Variants in CHCHD3 observed in about 807,000 individuals in gnomAD.
The protein encoded by CHCHD3 is MICOS complex subunit MIC19.
Under a neutral mutation model 38.2 loss-of-function variants are expected in CHCHD3, and 20 were observed. That is an observed-to-expected ratio of 0.52 (90% confidence interval 0.37 to 0.76). The LOEUF (loss-of-function observed/expected upper bound fraction) is 0.76, where lower values mean the gene tolerates loss of function less well. Ranked by LOEUF, CHCHD3 falls within the 30% of genes least tolerant of loss-of-function variation. CHCHD3 has a pLI of 0.00. For synonymous variants in CHCHD3, 82 were observed against 100.0 expected, an observed-to-expected ratio of 0.82 and a Z score of 1.07; for missense variants, 245 against 279.2, an observed-to-expected ratio of 0.88 and a Z score of 0.87.
At chr7:132,879,519 C>G (rs78614627) in intron 5 of CHCHD3, among the ~76,000 whole-genome samples, 1 of 151,826 alleles carries the variant, frequency 6.6e-6, no homozygotes, top group East Asian at 1.9e-4. Flanking sequence ...TCAACATGTC[C>G]TGGGGAGACA....
At chr7:133,020,384 T>C (rs772339425) in intron 3 of CHCHD3, among the ~76,000 whole-genome samples, 49 of 152,274 alleles carry the variant, frequency 3.2e-4, no homozygotes, top group Admixed American at 2.2e-3. Context: ...GGGGTAAATT[T>C]TAGATGACCT....
chr7:132,971,670 C>G (rs1002141145), intron 4 of CHCHD3, among the ~76,000 whole-genome samples: 1 of 152,154 alleles, frequency 6.6e-6, no homozygotes, highest in African/African-American at 2.4e-5. Context: ...TTCACAGTCC[C>G]AACATCACAT....
chr7:132,794,501 G>A (rs1053372693), intron 7 of CHCHD3, among the ~76,000 whole-genome samples: 11 of 152,136 alleles, frequency 7.2e-5, no homozygotes, highest in African/African-American at 2.2e-4. Context: ...AGGTGGTGCA[G>A]GTTCTTGGTT....
intron 2 of CHCHD3, among the ~76,000 whole-genome samples, chr7:133,031,591 C>A (rs926469427): frequency 1.3e-5 from 2 of 151,962 alleles, no homozygotes; most frequent in Non-Finnish European, 2.9e-5. Context: ...AAAAGTTATA[C>A]CTTGCTTCTT....
chr7:132,908,929 T>C (rs1304616475), intron 4 of CHCHD3, among the ~76,000 whole-genome samples: 1 of 152,174 alleles, frequency 6.6e-6, no homozygotes, highest in Non-Finnish European at 1.5e-5. Flanking sequence ...TGTGTCCCCC[T>C]GCAAATCTCA....
chr7:133,015,170 T>C (rs911740051), intron 3 of CHCHD3, among the ~76,000 whole-genome samples: 7 of 151,898 alleles, frequency 4.6e-5, no homozygotes, highest in East Asian at 1.9e-4. Flanking sequence ...GGCGAAACCC[T>C]GTCTCTATTA....
At chr7:133,074,981 A>G (rs1315091327) in intron 1 of CHCHD3, among the ~76,000 whole-genome samples, 3 of 152,142 alleles carry the variant, frequency 2.0e-5, no homozygotes, top group Non-Finnish European at 4.4e-5. Flanking sequence ...CTGAGCTTGT[A>G]CTGACTCGTT....
At chr7:132,914,314 G>T (rs1810047824) in intron 4 of CHCHD3, among the ~76,000 whole-genome samples, 1 of 152,148 alleles carries the variant, frequency 6.6e-6, no homozygotes, top group African/African-American at 2.4e-5. Context: ...GATTAGTTTA[G>T]CAGACAGCAT....
intron 4 of CHCHD3, among the ~76,000 whole-genome samples, chr7:132,889,683 TA>T (rs1428692272): frequency 6.6e-6 from 1 of 152,148 alleles, no homozygotes; most frequent in Non-Finnish European, 1.5e-5. Context: ...AATAACAAAG[TA>T]AGAAACATGG....
intron 2 of CHCHD3, among the ~76,000 whole-genome samples, chr7:133,026,092 A>C (rs1813329106): frequency 6.6e-6 from 1 of 152,218 alleles, no homozygotes; most frequent in Non-Finnish European, 1.5e-5. Context: ...TCAGAATGGG[A>C]GAAAATATCT....
At chr7:132,895,855 A>G (rs909304877) in intron 4 of CHCHD3, among the ~76,000 whole-genome samples, 1 of 152,254 alleles carries the variant, frequency 6.6e-6, no homozygotes, top group African/African-American at 2.4e-5. Context: ...AGAACAGACT[A>G]CTACAAGAGG....
chr7:133,035,690 G>A lies in CHCHD3; in HGVS notation c.170-11063C>T, dbSNP rs1033207231. ...CCCGCAGCTCCTCATTGCTCACATA[G>A]TAGGCAATGGCGTTGCTCTCAAACA... On this transcript the variant is annotated intron_variant, in intron 2 of 7. Coordinates refer to ENST00000262570, the MANE Select transcript of CHCHD3 (RefSeq NM_017812.4). This position sits in a 1 kb window ranked among gnomAD's most constrained non-coding sequence, Gnocchi z 4.7. 2.5e-6 allele frequency: 4 copies of A among 1,613,228 alleles called. No individual in the cohort carries two copies. The highest frequency in any genetic ancestry group is 1.3e-5 in the African/African-American group (1 of 74,938).
intron 4 of CHCHD3, among the ~76,000 whole-genome samples, chr7:132,911,329 A>G (rs879579464): frequency 2.0e-5 from 3 of 152,204 alleles, no homozygotes; most frequent in Non-Finnish European, 4.4e-5. Context: ...CGAGAACATC[A>G]TTAACTACCT....
intron 2 of CHCHD3, among the ~76,000 whole-genome samples, chr7:133,040,491 G>A (rs553889185): frequency 1.4e-3 from 217 of 152,166 alleles, no homozygotes; most frequent in African/African-American, 5.0e-3. Context: ...CAACAGACCT[G>A]AATAAATATA....
chr7:132,892,750 G>A (rs1809396159), intron 4 of CHCHD3, among the ~76,000 whole-genome samples: 1 of 152,224 alleles, frequency 6.6e-6, no homozygotes, highest in Admixed American at 6.5e-5. Context: ...GTGGCTAAAA[G>A]AGGCCAAGGT....
chr7:132,836,553 C>G (rs1319021364), intron 6 of CHCHD3, among the ~76,000 whole-genome samples: 1 of 152,142 alleles, frequency 6.6e-6, no homozygotes, highest in African/African-American at 2.4e-5. Flanking sequence ...AATCATAGCT[C>G]ACTGCAGTCC....
At chr7:132,963,387 T>A (rs1014350138) in intron 4 of CHCHD3, among the ~76,000 whole-genome samples, 28 of 143,424 alleles carry the variant, frequency 2.0e-4, no homozygotes, top group Admixed American at 3.6e-4. Flanking sequence ...ATCCCAGCAC[T>A]TTGGGAGGCC....
intron 4 of CHCHD3, among the ~76,000 whole-genome samples, chr7:132,958,141 G>A (rs1439801901): frequency 6.6e-6 from 1 of 152,188 alleles, no homozygotes; most frequent in African/African-American, 2.4e-5. Flanking sequence ...TGACGGGCAT[G>A]AGGCTAAGAG....
At chr7:132,795,475 A>G (rs1806583908) in intron 7 of CHCHD3, among the ~76,000 whole-genome samples, 1 of 152,192 alleles carries the variant, frequency 6.6e-6, no homozygotes, top group African/African-American at 2.4e-5. Context: ...GGCTTTTAAT[A>G]AATCTTGATT....
Sources: allele counts gnomAD v4.1 joint callset (sites outside exome capture counted in the v4.1 genomes callset), GRCh38; gene constraint gnomAD v4.1.1; non-coding constraint Gnocchi (gnomAD v3.1); transcripts MANE v1.5; gene names NCBI Gene and HGNC (gene_info 2026-07-23, HGNC 2026-07-21).